PCSK1: variants seen among roughly 807,000 people sequenced by gnomAD.
The protein encoded by PCSK1 is proprotein convertase subtilisin/kexin type 1, also known as neuroendocrine convertase 1.
A neutral mutation model predicts 90.6 loss-of-function variants in PCSK1; 56 were observed. The ratio of observed to expected loss-of-function variants is 0.62; its 90% confidence interval spans 0.50 to 0.77. The LOEUF (loss-of-function observed/expected upper bound fraction) is 0.77, where lower values mean the gene tolerates loss of function less well. PCSK1 is among the 30% of genes least tolerant of loss of function. PCSK1 has a pLI of 0.00. For missense variants in PCSK1, 801 were observed against 932.6 expected (o/e 0.86, Z 1.84); for synonymous variants, 348 against 342.4 (o/e 1.02, Z -0.18).
chr5:96,422,660 G>A (rs1416607544), intron 4 of PCSK1, among the ~76,000 whole-genome samples: 1 of 152,048 alleles, frequency 6.6e-6, no homozygotes, highest in African/African-American at 2.4e-5. Flanking sequence ...TATAGCTGGG[G>A]AATGTTTGAT....
At chr5:96,408,393 A>G in intron 8 of PCSK1, 70 bp from the exon 9 acceptor site, 1 of 1,076,094 alleles carries the variant, frequency 9.3e-7, no homozygotes, top group Non-Finnish European at 1.4e-6. Context: ...CTTGGGGGTT[A>G]ACTGTACCAA....
At chr5:96,415,829 T>A (rs74418748) in intron 6 of PCSK1, among the ~76,000 whole-genome samples, 3,738 of 152,142 alleles carry the variant, frequency 0.025, 150 homozygotes, top group African/African-American at 0.086. Flanking sequence ...CAAAGATGTA[T>A]AGGCTATATT....
intron 1 of PCSK1, among the ~76,000 whole-genome samples, chr5:96,430,221 T>C (rs1761449583): frequency 6.6e-6 from 1 of 152,240 alleles, no homozygotes; most frequent in Admixed American, 6.5e-5. Context: ...CTTTGGTTCA[T>C]TTAGGACTAT....
intron 4 of PCSK1, 47 bp downstream of exon 4, chr5:96,423,266 G>T: frequency 6.4e-7 from 1 of 1,565,336 alleles, no homozygotes; most frequent in Non-Finnish European, 8.7e-7. Flanking sequence ...CTGTGTGTCT[G>T]CACAGACAGC....
intron 7 of PCSK1, among the ~76,000 whole-genome samples, chr5:96,411,455 T>G (rs1206569484): frequency 6.6e-6 from 1 of 152,228 alleles, no homozygotes; most frequent in Non-Finnish European, 1.5e-5. Context: ...AAAGCCGCCC[T>G]TTCTATGATT....
intron 1 of PCSK1, among the ~76,000 whole-genome samples, chr5:96,432,652 C>A (rs887772029): frequency 1.1e-4 from 16 of 152,194 alleles, no homozygotes; most frequent in African/African-American, 3.9e-4. Flanking sequence ...CAGCGGCTTC[C>A]TTCTGCTTGG....
intron 1 of PCSK1, among the ~76,000 whole-genome samples, chr5:96,429,519 C>T (rs1162215975): frequency 1.3e-5 from 2 of 152,048 alleles, no homozygotes; most frequent in Non-Finnish European, 2.9e-5. Flanking sequence ...ACTTGTGTCA[C>T]GGGGTATTTT....
At chr5:96,425,052 GAAAGAAAGAAAGAA>G (rs1340899555) in intron 3 of PCSK1, among the ~76,000 whole-genome samples, 33 of 119,146 alleles carry the variant, frequency 2.8e-4, no homozygotes, top group African/African-American at 1.0e-3. Context: ...AAGAAAGAAA[GAAAGAAAGAAAGAA>G]AGAAAGAAAA....
At chr5:96,416,743 A>G (rs1421198084) in intron 5 of PCSK1, among the ~76,000 whole-genome samples, 2 of 152,246 alleles carry the variant, frequency 1.3e-5, no homozygotes, top group Admixed American at 6.5e-5. Flanking sequence ...TTGGAAAGCC[A>G]AGATGCTCCT....
At chr5:96,429,426 C>G (rs1297082662) in intron 1 of PCSK1, 109 bp from the exon 2 acceptor site, 8 of 661,422 alleles carry the variant, frequency 1.2e-5, no homozygotes, top group Non-Finnish European at 2.7e-6. Flanking sequence ...TAAGCCCATT[C>G]CTGGTATCTG....
In PCSK1 at chr5:96,425,814, A is replaced by G; in HGVS notation, c.396+6T>C. On this transcript the variant is annotated splice_donor_region_variant and intron_variant, in intron 3 of 13. Transcript: ENST00000311106. The stretch of plus-strand genomic sequence containing the variant: ...CCACCCACATAGTCCTTCTGTAGGT[A>G]CTTACCAAGTACCATTGCTGATTCC... 6.8e-7 allele frequency: 1 copy of G among 1,477,238 alleles called. No homozygotes were observed. The highest frequency in any genetic ancestry group is 9.5e-7 in the Non-Finnish European group (1 of 1,054,968). 91.5% of individuals were successfully genotyped at this position (1,477,238 alleles called of 1,614,324 possible). A position where few individuals can be genotyped will look rare whatever the true frequency, so the allele number is the denominator to read the frequency against.
In PCSK1 at chr5:96,416,239, T is replaced by C. The variant is rs139130093; in HGVS notation, c.621-118A>G. The stretch of plus-strand genomic sequence containing the variant: ...TTTTTGTCGGCCTTGTTACTGTTTT[T>C]GTTTGTTTGTTTTAAATTAGTATAA... On this transcript the variant is annotated intron_variant, in intron 5 of 13. Transcript: ENST00000311106. The C allele has an allele frequency of 1.0e-3, 757 of 726,854 alleles. 11 individuals carry two copies. In the East Asian group the frequency reaches 0.02, roughly 19 times the overall value. The allele number at this position is 726,854 out of a possible 1,614,324, so 45.0% of individuals were successfully genotyped here. A position where few individuals can be genotyped will look rare whatever the true frequency, so the allele number is the denominator to read the frequency against.
chr5:96,394,455 C>A (rs1458726991), intron 13 of PCSK1, among the ~76,000 whole-genome samples: 1 of 152,098 alleles, frequency 6.6e-6, no homozygotes, highest in African/African-American at 2.4e-5. Context: ...TTTCTTTCTG[C>A]AAAATGGATA....
chr5:96,411,471 A>G (rs919345277), intron 7 of PCSK1, among the ~76,000 whole-genome samples: 4 of 152,220 alleles, frequency 2.6e-5, no homozygotes, highest in African/African-American at 7.2e-5. Flanking sequence ...TGATTTTTCA[A>G]TTTGTGCTCT....
At chr5:96,425,384 A>G (rs1040944491) in intron 3 of PCSK1, among the ~76,000 whole-genome samples, 6 of 152,206 alleles carry the variant, frequency 3.9e-5, no homozygotes, top group African/African-American at 1.4e-4. Flanking sequence ...CCTCTTTCAG[A>G]GATTCTCATC....
chr5:96,429,735 C>A (rs13164584), intron 1 of PCSK1, among the ~76,000 whole-genome samples: 1 of 152,126 alleles, frequency 6.6e-6, no homozygotes, highest in African/African-American at 2.4e-5. Flanking sequence ...TGTTAGTTTG[C>A]CAACAATAAT....
intron 9 of PCSK1, among the ~76,000 whole-genome samples, chr5:96,401,053 A>C (rs1260212932): frequency 7.3e-6 from 1 of 137,460 alleles, no homozygotes; most frequent in Non-Finnish European, 1.5e-5. Flanking sequence ...TGCCACTGCA[A>C]TCCGGCCTGG....
At chr5:96,421,790 G>T in intron 5 of PCSK1, 90 bp downstream of exon 5, 1 of 815,008 alleles carries the variant, frequency 1.2e-6, no homozygotes, top group South Asian at 1.3e-5. Flanking sequence ...CTGAGCACTG[G>T]AATGTGGATG....
intron 8 of PCSK1, 137 bp downstream of exon 8, chr5:96,410,637 G>T: frequency 1.3e-6 from 1 of 756,952 alleles, no homozygotes; most frequent in East Asian, 2.5e-5. Flanking sequence ...CCTTTCAAGT[G>T]AGTAAGTGTG....
Sources: allele counts gnomAD v4.1 joint callset (sites outside exome capture counted in the v4.1 genomes callset), GRCh38; gene constraint gnomAD v4.1.1; transcripts MANE v1.5; gene names NCBI Gene and HGNC (gene_info 2026-07-23, HGNC 2026-07-21).